The following TENM3 variants were observed in gnomAD, a reference collection of about 807,000 sequenced individuals.
TENM3 encodes teneurin-3.
TENM3 carries 63 observed loss-of-function variants against 255.1 expected under a neutral mutation model. That is an observed-to-expected ratio of 0.25 (90% confidence interval 0.20 to 0.30). TENM3 has a LOEUF of 0.30. TENM3 is among the 10% of genes least tolerant of loss of function. The probability of loss-of-function intolerance (pLI) is 1.00; values close to 1 mark genes in which losing one functional copy is unlikely to be tolerated. For synonymous variants in TENM3, 1,306 were observed against 1,322.3 expected (o/e 0.99, Z 0.27); for missense variants, 2,929 against 3,461.1 (o/e 0.85, Z 3.86).
At chr4:181,534,736 G>A in the TENM3 span, among the ~76,000 whole-genome samples, 231 of 152,196 alleles carry the variant, frequency 1.5e-3, no homozygotes, top group African/African-American at 5.0e-3. Flanking sequence ...AGTCAGTAAA[G>A]AACCCCCTCC....
chr4:181,506,459 C>G, the TENM3 span, among the ~76,000 whole-genome samples: 18 of 151,566 alleles, frequency 1.2e-4, no homozygotes, highest in Admixed American at 1.1e-3. Context: ...AAGACTCAGT[C>G]CTTCAAAAAG....
At chr4:182,022,695 G>C in the TENM3 span, among the ~76,000 whole-genome samples, 1 of 151,468 alleles carries the variant, frequency 6.6e-6, no homozygotes, top group Non-Finnish European at 1.5e-5. Flanking sequence ...TTTTTCTTTT[G>C]TATTTTTAAA....
intron 3 of TENM3, among the ~76,000 whole-genome samples, chr4:182,525,028 T>TCAA (rs369452411): frequency 6.6e-6 from 1 of 151,838 alleles, no homozygotes; most frequent in African/African-American, 2.4e-5. Context: ...AGACCCTGTC[T>TCAA]CAACAACAAC....
At chr4:181,449,354 T>C in the TENM3 span, among the ~76,000 whole-genome samples, 19,943 of 152,176 alleles carry the variant, frequency 0.13, 1,482 homozygotes, top group East Asian at 0.27. Context: ...TGTCTGTCAA[T>C]TTGGAATAGA....
chr4:181,946,816 A>C, the TENM3 span, among the ~76,000 whole-genome samples: 1 of 152,206 alleles, frequency 6.6e-6, no homozygotes, highest in East Asian at 1.9e-4. Flanking sequence ...CAGTGGGTAT[A>C]AAAAAGGATA....
intron 3 of TENM3, among the ~76,000 whole-genome samples, chr4:182,415,079 C>T (rs540459877): frequency 4.6e-5 from 7 of 152,318 alleles, no homozygotes; most frequent in African/African-American, 9.6e-5. Flanking sequence ...CATACCATTT[C>T]GAAATATCTT....
intron 22 of TENM3, among the ~76,000 whole-genome samples, chr4:182,762,659 A>T (rs572941027): frequency 1.8e-4 from 27 of 152,316 alleles, no homozygotes; most frequent in African/African-American, 6.0e-4. Flanking sequence ...TTCAGCACAG[A>T]GAAAGTCCCT....
chr4:182,779,688 G>A (rs1561242047), intron 24 of TENM3, among the ~76,000 whole-genome samples: 1 of 151,558 alleles, frequency 6.6e-6, no homozygotes, highest in Non-Finnish European at 1.5e-5. Flanking sequence ...GTGTAAAAGT[G>A]TTCCTATTTC....
intron 2 of TENM3, among the ~76,000 whole-genome samples, chr4:182,344,364 T>C (rs1033997222): frequency 3.3e-5 from 5 of 152,118 alleles, no homozygotes; most frequent in Non-Finnish European, 7.4e-5. Flanking sequence ...CTGGAGAATT[T>C]TGAATCATTG....
chr4:181,476,229 T>C, the TENM3 span, among the ~76,000 whole-genome samples: 1 of 150,210 alleles, frequency 6.7e-6, no homozygotes, highest in Non-Finnish European at 1.5e-5. Context: ...TTTTTTGACA[T>C]TGATAATATA....
At chr4:181,449,211 C>T in the TENM3 span, among the ~76,000 whole-genome samples, 3 of 152,178 alleles carry the variant, frequency 2.0e-5, no homozygotes, top group Non-Finnish European at 4.4e-5. Context: ...AAATTAAGAG[C>T]ATGAATGATT....
At chr4:182,131,213 A>T in the TENM3 span, among the ~76,000 whole-genome samples, 1 of 152,180 alleles carries the variant, frequency 6.6e-6, no homozygotes. Flanking sequence ...TTAACCCTGA[A>T]CATATGGCAT....
At chr4:182,063,033 G>T in the TENM3 span, among the ~76,000 whole-genome samples, 9 of 152,174 alleles carry the variant, frequency 5.9e-5, no homozygotes, top group Non-Finnish European at 1.0e-4. Context: ...AGAAACTTTT[G>T]ATATGATAAA....
chr4:182,185,819 G>A (rs1017267241), intron 1 of TENM3, among the ~76,000 whole-genome samples: 10 of 152,208 alleles, frequency 6.6e-5, no homozygotes, highest in Non-Finnish European at 1.3e-4. Flanking sequence ...TAGTGCATAC[G>A]CTTCGCAGTG....
At chr4:181,563,136 G>A in the TENM3 span, among the ~76,000 whole-genome samples, 43,528 of 152,084 alleles carry the variant, frequency 0.29, 6,939 homozygotes, top group African/African-American at 0.43. Context: ...GGCTTAAACA[G>A]CAGAAACTCA....
chr4:182,043,159 C>A, the TENM3 span, among the ~76,000 whole-genome samples: 3,751 of 152,156 alleles, frequency 0.025, 158 homozygotes, highest in African/African-American at 0.084. Flanking sequence ...CCTGCGTGCA[C>A]ACATACACAT....
intron 1 of TENM3, among the ~76,000 whole-genome samples, chr4:182,268,493 G>C (rs986846687): frequency 3.3e-5 from 5 of 152,170 alleles, no homozygotes; most frequent in African/African-American, 1.2e-4. Flanking sequence ...TTGTGAACCA[G>C]AGCAACCCTA....
chr4:181,486,630 C>G, the TENM3 span, among the ~76,000 whole-genome samples: 1 of 152,158 alleles, frequency 6.6e-6, no homozygotes, highest in Admixed American at 6.5e-5. Context: ...AGATGGGTCT[C>G]TATAAAGAAA....
At chr4:182,318,528 C>T (rs1463043495) in intron 1 of TENM3, among the ~76,000 whole-genome samples, 1 of 151,990 alleles carries the variant, frequency 6.6e-6, no homozygotes, top group Non-Finnish European at 1.5e-5. Context: ...TAGGATCAAC[C>T]TAAGTTTAGT....
Sources: allele counts gnomAD v4.1 joint callset (sites outside exome capture counted in the v4.1 genomes callset), GRCh38; gene constraint gnomAD v4.1.1; transcripts MANE v1.5; gene names NCBI Gene and HGNC (gene_info 2026-07-23, HGNC 2026-07-21).